CHD7: variants seen among roughly 807,000 people sequenced by gnomAD.
CHD7 encodes chromodomain helicase DNA binding protein 7.
Under a neutral mutation model 307.3 loss-of-function variants are expected in CHD7, and 24 were observed. The ratio of observed to expected loss-of-function variants is 0.08; its 90% CI spans 0.06 to 0.11. The LOEUF is 0.11. Ranked by LOEUF, CHD7 falls within the 10% of genes least tolerant of loss-of-function variation. The pLI, the probability that CHD7 is intolerant of heterozygous loss-of-function variation, is 1.00. For synonymous variants in CHD7, 1,363 were observed against 1,349.9 expected, an observed-to-expected ratio of 1.01 and a Z score of -0.21; for missense variants, 3,106 against 3,727.1, an observed-to-expected ratio of 0.83 and a Z score of 4.34.
chr8:60,687,978 C>T (rs1243389158), intron 1 of CHD7, among the ~76,000 whole-genome samples: 1 of 152,216 alleles, frequency 6.6e-6, no homozygotes, highest in Non-Finnish European at 1.5e-5. Context: ...AATACCCATG[C>T]CATGCTGTGA....
At chr8:60,852,477 C>T in intron 29 of CHD7, 21 bp from the exon 30 acceptor site, 1 of 1,593,252 alleles carries the variant, frequency 6.3e-7, no homozygotes, top group South Asian at 1.1e-5. Flanking sequence ...ATGATGCAAG[C>T]TAATATAATC....
chr8:60,787,860 G>A (rs1183765241), intron 3 of CHD7, among the ~76,000 whole-genome samples: 1 of 132,690 alleles, frequency 7.5e-6, no homozygotes, highest in Non-Finnish European at 1.5e-5. Context: ...AAACAGACTC[G>A]CTCTGTTGCC....
At chr8:60,814,663 T>C (rs1256215236) in intron 7 of CHD7, among the ~76,000 whole-genome samples, 1 of 152,226 alleles carries the variant, frequency 6.6e-6, no homozygotes, top group Non-Finnish European at 1.5e-5. Context: ...GTCAGGCTGG[T>C]CTCGAACTAC....
Position 60,821,813 on chromosome 8 carries a change from G to A in CHD7, c.2721G>A (p.Lys907=), listed in dbSNP as rs1257669624. The A allele has an allele frequency of 1.3e-6, 2 of 1,565,042 alleles. No homozygotes were observed. Among genetic ancestry groups the A allele is most frequent in the African/African-American group, 1.4e-5 (1 of 73,568 alleles). The change falls in exon 10 of 38, where the codon AAG becomes AAA. Residue 907 remains lysine (K), a synonymous_variant. Coordinates refer to ENST00000423902, the MANE Select transcript of CHD7 (RefSeq NM_017780.4). The stretch of plus-strand genomic sequence containing the variant: ...AGCCTGTGACTCACTATCTGGTGAA[G>A]TGGTGTTCACTTCCTTATGAAGACA... The part of the protein sequence containing the change: ...RGEPVTHYLV[K]WCSLPYEDST...
chr8:60,866,198 G>T lies in CHD7; in HGVS notation c.*265G>T. On this transcript the variant is annotated 3_prime_UTR_variant, in exon 38 of 38. Coordinates refer to ENST00000423902, the MANE Select transcript of CHD7 (RefSeq NM_017780.4). ...TTTAAGGAAACTTACATAATGCTCT[G>T]CTTTTTTTTTTTCTCTTGGTACCAT... 3.2e-6 allele frequency: 1 copy of T among 311,380 alleles called. No homozygotes were observed. Among genetic ancestry groups the T allele is most frequent in the Non-Finnish European group, 5.9e-6 (1 of 169,600 alleles). The allele number at this position is 311,380 out of a possible 1,614,324, so 19.3% of individuals were successfully genotyped here.
chr8:60,838,125 C>T lies in CHD7; in HGVS notation c.4403C>T (p.Ala1468Val). 1 of 1,553,484 alleles carries T rather than the reference C, an allele frequency of 6.4e-7. No individual in the cohort carries two copies. The highest frequency in any genetic ancestry group is 8.7e-7 in the Non-Finnish European group (1 of 1,148,436). The change falls in exon 19 of 38, where the codon GCC (alanine) becomes GTC (valine). Residue 1468 changes from alanine (A) to valine (V), a missense_variant. Ala to Val is a moderately conservative substitution (Grantham distance 64). Around this residue, in one of 10 missense-constraint regions of CHD7, gnomAD observed 93 missense variants for 176.4 expected, o/e 0.53. Coordinates refer to ENST00000423902, the MANE Select transcript of CHD7 (RefSeq NM_017780.4). Reference sequence around the variant, plus strand: ...ATAGAGGATCTTCTACGAAAAGGGGCCTATGGTGCACTCATGGATGAGGAG... The same window carrying T: ...ATAGAGGATCTTCTACGAAAAGGGGTCTATGGTGCACTCATGGATGAGGAG... ...KEIEDLLRKG[A>V]YGALMDEEDE... is the part of the protein sequence containing the mutation.
intron 1 of CHD7, among the ~76,000 whole-genome samples, chr8:60,694,681 A>G (rs968522548): frequency 1.3e-5 from 2 of 152,210 alleles, no homozygotes; most frequent in Non-Finnish European, 2.9e-5. Flanking sequence ...TGCAGGAGCT[A>G]TGGCCCCCAG....
Position 60,836,931 on chromosome 8 carries a change from A to T in CHD7, c.4104A>T (p.Ala1368=). ...DRFVFLLCTR[A]GGLGINLTAA... The stretch of plus-strand genomic sequence containing the variant: ...TTGTTTTCCTCCTGTGTACAAGGGC[A>T]GGAGGTTTAGGCATTAACCTCACTG... Residue 1368 remains alanine (A), a synonymous_variant, in exon 17 of 38, where the codon GCA becomes GCT. Transcript: ENST00000423902. 1 of 1,613,832 alleles carries T rather than the reference A, an allele frequency of 6.2e-7. No homozygotes were observed. The highest frequency in any genetic ancestry group is 8.5e-7 in the Non-Finnish European group (1 of 1,179,806).
chr8:60,762,930 G>A (rs1810292366), intron 2 of CHD7, among the ~76,000 whole-genome samples: 1 of 152,122 alleles, frequency 6.6e-6, no homozygotes, highest in Non-Finnish European at 1.5e-5. Flanking sequence ...TATACCTGAT[G>A]GCTGGAAGCT....
intron 3 of CHD7, among the ~76,000 whole-genome samples, chr8:60,787,039 C>CT (rs562202248): frequency 3.6e-4 from 55 of 151,432 alleles, no homozygotes; most frequent in Admixed American, 9.9e-4. Context: ...AAAGACACTT[C>CT]TTTTTTTTTC....
intron 2 of CHD7, among the ~76,000 whole-genome samples, chr8:60,773,500 G>A (rs2150651060): frequency 6.6e-6 from 1 of 152,294 alleles, no homozygotes; most frequent in East Asian, 1.9e-4. Context: ...TGTGCCCTAG[G>A]GGTGTGTGTG....
chr8:60,806,261 G>A (rs538773246), intron 6 of CHD7, among the ~76,000 whole-genome samples: 4 of 152,270 alleles, frequency 2.6e-5, no homozygotes, highest in Admixed American at 2.6e-4. Flanking sequence ...TACTCAGGAG[G>A]CTGAGACAGG....
At chr8:60,721,749 G>A (rs1314616581) in intron 1 of CHD7, among the ~76,000 whole-genome samples, 1 of 152,236 alleles carries the variant, frequency 6.6e-6, no homozygotes, top group Non-Finnish European at 1.5e-5. Flanking sequence ...CACTGGTTTA[G>A]ATGGTGTGTC....
chr8:60,785,804 C>T (rs1480731824), intron 3 of CHD7, among the ~76,000 whole-genome samples: 1 of 151,850 alleles, frequency 6.6e-6, no homozygotes, highest in Non-Finnish European at 1.5e-5. Context: ...ATAAATTAAA[C>T]CCTCAGCCTT....
chr8:60,772,053 G>A (rs948130170), intron 2 of CHD7, among the ~76,000 whole-genome samples: 2 of 152,114 alleles, frequency 1.3e-5, no homozygotes, highest in Non-Finnish European at 2.9e-5. Flanking sequence ...GAGATAATGG[G>A]GCCATCTTGG....
At position 60,721,677 on chromosome 8, in the gene CHD7, C is replaced by G. The variant is rs191691119; in HGVS notation, c.-174-19582C>G. On this transcript the variant is annotated intron_variant, in intron 1 of 37. Coordinates refer to ENST00000423902, the MANE Select transcript of CHD7 (RefSeq NM_017780.4). Reference sequence around the variant, plus strand: ...AGAAGTCACATTTCTAACCAGTTCCCCAGCGGTGCTGATGCTGCCGATGCT... The same window carrying G: ...AGAAGTCACATTTCTAACCAGTTCCGCAGCGGTGCTGATGCTGCCGATGCT... 2.5e-4 allele frequency among the ~76,000 whole-genome samples: 38 copies of G among 152,290 alleles called. 1 individual carries two copies. In the East Asian group the frequency reaches 5.4e-3, roughly 22 times the overall value.
At position 60,850,589 on chromosome 8, in the gene CHD7, G is replaced by A. The variant is rs1454656715; in HGVS notation, c.5501G>A (p.Arg1834Lys). 1.9e-6 allele frequency: 3 copies of A among 1,613,160 alleles called. No individual in the cohort carries two copies. The highest frequency in any genetic ancestry group is 2.5e-6 in the Non-Finnish European group (3 of 1,179,492). ...GCCAAGGCCATAGCTGCCGAGCAAAGAGGAACAGACATGCTAGCAGATGGT... is the reference window on the plus strand; with the variant it reads ...GCCAAGGCCATAGCTGCCGAGCAAAAAGGAACAGACATGCTAGCAGATGGT... Reference protein sequence around the residue: ...PDAKAIAAEQRGTDMLADGGD... With the variant: ...PDAKAIAAEQKGTDMLADGGD... The change falls in exon 26 of 38, where the codon AGA becomes AAA. Residue 1834 changes from arginine (R) to lysine (K), a missense_variant. By Grantham distance (26) the Arg-to-Lys change is conservative (BLOSUM62 2). Transcript: ENST00000423902.
At chr8:60,707,618 A>G (rs1469091621) in intron 1 of CHD7, among the ~76,000 whole-genome samples, 1 of 152,226 alleles carries the variant, frequency 6.6e-6, no homozygotes, top group Non-Finnish European at 1.5e-5. Flanking sequence ...TTAATAGATG[A>G]CCAGCACTTG....
At chr8:60,690,329 G>C (rs1193201684) in intron 1 of CHD7, among the ~76,000 whole-genome samples, 1 of 152,094 alleles carries the variant, frequency 6.6e-6, no homozygotes, top group African/African-American at 2.4e-5. Context: ...TGACTAGCTT[G>C]AGTATGGTAA....
Sources: gnomAD v4.1 joint callset for allele counts (sites outside exome capture counted in the v4.1 genomes callset) on GRCh38, gnomAD v4.1.1 for gene constraint, gnomAD v4.1.1 regional missense constraint, MANE v1.5 for transcripts, NCBI Gene and HGNC (gene_info 2026-07-23, HGNC 2026-07-21) for gene names.